The following CSRNP3 variants were observed in gnomAD, a reference collection of about 807,000 sequenced individuals.
The protein encoded by CSRNP3 is cysteine and serine rich nuclear protein 3.
In CSRNP3, 12 loss-of-function variants were observed where a neutral mutation model predicts 48.0. That is an observed-to-expected ratio of 0.25 (90% CI 0.16 to 0.41). The LOEUF is 0.41. CSRNP3 is among the 10% of genes least tolerant of loss of function. The pLI is 1.00. For missense variants in CSRNP3, 580 were observed against 724.4 expected, an observed-to-expected ratio of 0.80 and a Z score of 2.29; for synonymous variants, 263 against 269.7, an observed-to-expected ratio of 0.98 and a Z score of 0.24.
chr2:165,650,724 G>T (rs1488395681), intron 4 of CSRNP3, among the ~76,000 whole-genome samples: 1 of 152,024 alleles, frequency 6.6e-6, no homozygotes, highest in Non-Finnish European at 1.5e-5. Context: ...ATTGCCCAGG[G>T]CTTACCAAGA....
At chr2:165,525,647 G>A (rs112709966) in intron 3 of CSRNP3, among the ~76,000 whole-genome samples, 2,646 of 151,284 alleles carry the variant, frequency 0.017, 79 homozygotes, top group African/African-American at 0.06. Context: ...CACCACGCTC[G>A]GCTAATTTTT....
chr2:165,632,251 GT>G (rs1686550353), intron 4 of CSRNP3, among the ~76,000 whole-genome samples: 3 of 152,182 alleles, frequency 2.0e-5, no homozygotes, highest in African/African-American at 7.2e-5. Context: ...GCCAGGCATG[GT>G]AGTTCACACC....
chr2:165,470,036 T>A (rs1476777653), intron 1 of CSRNP3, among the ~76,000 whole-genome samples: 1 of 152,126 alleles, frequency 6.6e-6, no homozygotes, highest in African/African-American at 2.4e-5. Context: ...AAATGAATCA[T>A]CATGTGTCTC....
At chr2:165,639,418 T>C (rs1025390370) in intron 4 of CSRNP3, among the ~76,000 whole-genome samples, 2 of 152,204 alleles carry the variant, frequency 1.3e-5, no homozygotes, top group Non-Finnish European at 2.9e-5. Context: ...ATTCGGAATC[T>C]ATAAATAATG....
chr2:165,631,240 G>A (rs570603453), intron 4 of CSRNP3, among the ~76,000 whole-genome samples: 21 of 152,290 alleles, frequency 1.4e-4, no homozygotes, highest in African/African-American at 5.1e-4. Context: ...CAATTGACTA[G>A]GGGCTAGAGA....
chr2:165,667,133 A>AAG (rs757565652), intron 5 of CSRNP3, among the ~76,000 whole-genome samples: 1 of 136,096 alleles, frequency 7.3e-6, no homozygotes. Context: ...GAAAGAAAGA[A>AAG]AGAGAGAGAG....
intron 1 of CSRNP3, among the ~76,000 whole-genome samples, chr2:165,477,483 A>AATAT (rs200408228): frequency 0.24 from 31,373 of 129,084 alleles, 4,280 homozygotes; most frequent in East Asian, 0.34. Flanking sequence ...ATATATATGA[A>AATAT]ATATATATAT....
intron 3 of CSRNP3, among the ~76,000 whole-genome samples, chr2:165,557,693 C>G (rs573074841): frequency 6.6e-6 from 1 of 152,152 alleles, no homozygotes; most frequent in Non-Finnish European, 1.5e-5. Context: ...AAAACTGTGT[C>G]GTATTCATCT....
At chr2:165,510,452 A>T (rs1331217389) in intron 2 of CSRNP3, among the ~76,000 whole-genome samples, 1 of 152,056 alleles carries the variant, frequency 6.6e-6, no homozygotes, top group Non-Finnish European at 1.5e-5. Context: ...GACCATTGAG[A>T]GCTCTTTCAG....
intron 3 of CSRNP3, among the ~76,000 whole-genome samples, chr2:165,539,479 T>C (rs1255086825): frequency 6.6e-6 from 1 of 152,092 alleles, no homozygotes; most frequent in Non-Finnish European, 1.5e-5. Context: ...CCCTAATGGC[T>C]ATGTATTTTA....
chr2:165,506,675 G>A (rs1684430384), intron 2 of CSRNP3, among the ~76,000 whole-genome samples: 1 of 151,900 alleles, frequency 6.6e-6, no homozygotes, highest in African/African-American at 2.4e-5. Flanking sequence ...TTTTTATTTG[G>A]GGTCTCAGCT....
intron 5 of CSRNP3, among the ~76,000 whole-genome samples, chr2:165,664,972 A>G (rs1249031541): frequency 6.6e-6 from 1 of 152,238 alleles, no homozygotes; most frequent in Non-Finnish European, 1.5e-5. Flanking sequence ...AGCCCTCTTT[A>G]GTGCTAGACA....
At chr2:165,533,639 A>G (rs1684844302) in intron 3 of CSRNP3, among the ~76,000 whole-genome samples, 1 of 152,106 alleles carries the variant, frequency 6.6e-6, no homozygotes, top group Non-Finnish European at 1.5e-5. Context: ...AACCACTGTT[A>G]TTGAAAGGAC....
intron 1 of CSRNP3, among the ~76,000 whole-genome samples, chr2:165,492,491 TC>T (rs1345083736): frequency 6.6e-6 from 1 of 151,940 alleles, no homozygotes; most frequent in African/African-American, 2.4e-5. Context: ...AATTGTTGGT[TC>T]CCTCACCTCC....
intron 1 of CSRNP3, among the ~76,000 whole-genome samples, chr2:165,477,498 A>ATATATATATATAT (rs1394959197): frequency 8.9e-6 from 1 of 112,040 alleles, no homozygotes; most frequent in Non-Finnish European, 1.9e-5. Flanking sequence ...ATATATATAT[A>ATATATATATATAT]ATACAAATAT....
intron 4 of CSRNP3, among the ~76,000 whole-genome samples, chr2:165,602,614 T>G (rs536458555): frequency 6.6e-6 from 1 of 152,340 alleles, no homozygotes; most frequent in African/African-American, 2.4e-5. Flanking sequence ...GCCTGTTGTC[T>G]GATACAATAG....
At chr2:165,470,377 G>T (rs1016009328) in intron 1 of CSRNP3, among the ~76,000 whole-genome samples, 2 of 151,950 alleles carry the variant, frequency 1.3e-5, no homozygotes, top group Non-Finnish European at 2.9e-5. Flanking sequence ...ATTAAACAAT[G>T]GTTTGTCTCT....
chr2:165,658,231 A>G (rs1351051326), intron 5 of CSRNP3, among the ~76,000 whole-genome samples: 3 of 152,156 alleles, frequency 2.0e-5, no homozygotes, highest in East Asian at 3.9e-4. Context: ...CATTCCACCA[A>G]TATTTACTAT....
chr2:165,651,808 A>G (rs1381318833), intron 4 of CSRNP3, among the ~76,000 whole-genome samples: 1 of 151,874 alleles, frequency 6.6e-6, no homozygotes, highest in Non-Finnish European at 1.5e-5. Flanking sequence ...GGCACCTACC[A>G]CCAAGCCCGG....
Sources: gnomAD v4.1 joint callset for allele counts (sites outside exome capture counted in the v4.1 genomes callset) on GRCh38, gnomAD v4.1.1 for gene constraint, MANE v1.5 for transcripts, NCBI Gene and HGNC (gene_info 2026-07-23, HGNC 2026-07-21) for gene names.